The following MDGA2 variants were observed in gnomAD, a reference collection of about 807,000 sequenced individuals.
MDGA2 encodes MAM domain-containing glycosylphosphatidylinositol anchor protein 2.
A neutral mutation model predicts 117.8 loss-of-function variants in MDGA2; 40 were observed. The ratio of observed to expected loss-of-function variants is 0.34; its 90% CI spans 0.26 to 0.44. The LOEUF (loss-of-function observed/expected upper bound fraction) is 0.44. Among genes scored for constraint, MDGA2 ranks in the 20% least tolerant of loss-of-function variants. MDGA2 has a pLI of 1.00. For missense variants in MDGA2, 1,123 were observed against 1,250.6 expected (o/e 0.90, Z 1.54); for synonymous variants, 452 against 439.0 (o/e 1.03, Z -0.37).
chr14:47,364,252 C>T (rs1891184143), intron 1 of MDGA2, among the ~76,000 whole-genome samples: 1 of 151,834 alleles, frequency 6.6e-6, no homozygotes, highest in Non-Finnish European at 1.5e-5. Flanking sequence ...TTTGTTAATC[C>T]AGAATTATAT....
intron 2 of MDGA2, among the ~76,000 whole-genome samples, chr14:47,223,268 G>C (rs906466890): frequency 9.2e-5 from 14 of 152,104 alleles, no homozygotes; most frequent in Non-Finnish European, 1.6e-4. Flanking sequence ...CATATCAACA[G>C]TGAAAAGAAT....
intron 1 of MDGA2, among the ~76,000 whole-genome samples, chr14:47,423,758 G>A (rs192616755): frequency 1.3e-5 from 2 of 152,154 alleles, no homozygotes; most frequent in East Asian, 3.9e-4. Flanking sequence ...ATATGTCAGT[G>A]TTCTGAGAAC....
At chr14:47,263,290 A>C (rs182588407) in intron 2 of MDGA2, among the ~76,000 whole-genome samples, 1 of 152,082 alleles carries the variant, frequency 6.6e-6, no homozygotes, top group Non-Finnish European at 1.5e-5. Context: ...ATAAATTGTT[A>C]TTTTGTTTCC....
At chr14:47,162,669 C>A (rs746258558) in intron 3 of MDGA2, among the ~76,000 whole-genome samples, 4 of 152,000 alleles carry the variant, frequency 2.6e-5, no homozygotes, top group Non-Finnish European at 5.9e-5. Context: ...AATTATTTTT[C>A]TAAAATTTCC....
intron 3 of MDGA2, among the ~76,000 whole-genome samples, chr14:47,199,287 C>G (rs1045698646): frequency 6.6e-6 from 1 of 152,096 alleles, no homozygotes; most frequent in South Asian, 2.1e-4. Flanking sequence ...AACTTGATGT[C>G]TAGGTAACTT....
rs555109322 is a variant in MDGA2 at position 47,271,155 on chromosome 14, C to A, written c.420+30256G>T. Among the ~76,000 whole-genome samples the A allele has an allele frequency of 2.3e-4, 35 of 152,294 alleles. 1 individual carries two copies. The highest frequency in any genetic ancestry group is 2.1e-3 in the South Asian group (10 of 4,824). On this transcript the variant is annotated intron_variant, in intron 2 of 16. Transcript: ENST00000399232. ...AGACCTCCATATCTGCACCCCAAAC[C>A]TTTCCTGCCCCCAAAGTCTTAGCTC...
intron 16 of MDGA2, among the ~76,000 whole-genome samples, chr14:46,842,678 T>C (rs1880666130): frequency 6.6e-6 from 1 of 152,222 alleles, no homozygotes; most frequent in Non-Finnish European, 1.5e-5. Context: ...CCTCTTAGAA[T>C]GCATGCCTTA....
intron 1 of MDGA2, among the ~76,000 whole-genome samples, chr14:47,385,778 A>G (rs1891742604): frequency 6.6e-6 from 1 of 152,184 alleles, no homozygotes; most frequent in South Asian, 2.1e-4. Flanking sequence ...CCAAATGAAC[A>G]AATTATCTCT....
At chr14:47,078,683 T>A (rs11628210) in intron 6 of MDGA2, among the ~76,000 whole-genome samples, 26,340 of 152,176 alleles carry the variant, frequency 0.17, 2,559 homozygotes, top group East Asian at 0.31. Flanking sequence ...AATAAACTTT[T>A]GGAAAGAAAA....
intron 1 of MDGA2, among the ~76,000 whole-genome samples, chr14:47,599,549 C>T (rs531663552): frequency 2.2e-4 from 33 of 152,256 alleles, no homozygotes; most frequent in Admixed American, 3.9e-4. Flanking sequence ...CCATACCAAA[C>T]AATAGGCCTT....
chr14:47,121,734 GT>G (rs1422503941), intron 5 of MDGA2, among the ~76,000 whole-genome samples: 2 of 152,056 alleles, frequency 1.3e-5, no homozygotes, highest in Non-Finnish European at 2.9e-5. Context: ...AACTGGTACT[GT>G]AAATGCCTTA....
At chr14:47,588,245 T>TAG (rs1555334167) in intron 1 of MDGA2, among the ~76,000 whole-genome samples, 5 of 85,458 alleles carry the variant, frequency 5.9e-5, no homozygotes, top group East Asian at 2.8e-3. Flanking sequence ...TAGATATATA[T>TAG]ATATATATAT....
intron 1 of MDGA2, among the ~76,000 whole-genome samples, chr14:47,584,258 T>C (rs1157110605): frequency 6.6e-6 from 1 of 151,836 alleles, no homozygotes; most frequent in Non-Finnish European, 1.5e-5. Context: ...ATCAAATGTG[T>C]TCTCTTCTGG....
chr14:46,936,457 T>G (rs1235723339), intron 9 of MDGA2, among the ~76,000 whole-genome samples: 11 of 152,072 alleles, frequency 7.2e-5, no homozygotes, highest in Non-Finnish European at 1.6e-4. Context: ...TTGAATTGTA[T>G]AAGTAAAATA....
At chr14:47,356,866 T>C (rs565863697) in intron 1 of MDGA2, among the ~76,000 whole-genome samples, 4 of 152,294 alleles carry the variant, frequency 2.6e-5, no homozygotes, top group African/African-American at 4.8e-5. Flanking sequence ...GGGGACTCGA[T>C]AGACCCTAAC....
At chr14:47,397,882 GCATTTGCCTCAC>G (rs933903430) in intron 1 of MDGA2, among the ~76,000 whole-genome samples, 1 of 152,050 alleles carries the variant, frequency 6.6e-6, no homozygotes. Context: ...ATTATCAAGT[GCATTTGCCTCAC>G]CTTTTTAGAT....
chr14:47,070,298 T>C (rs1890234336), intron 6 of MDGA2, among the ~76,000 whole-genome samples: 1 of 152,194 alleles, frequency 6.6e-6, no homozygotes, highest in Non-Finnish European at 1.5e-5. Flanking sequence ...GTCCTCATTT[T>C]CATACAGCAT....
At chr14:47,440,645 C>T (rs1892989232) in intron 1 of MDGA2, among the ~76,000 whole-genome samples, 1 of 147,720 alleles carries the variant, frequency 6.8e-6, no homozygotes, top group South Asian at 2.2e-4. Context: ...AAATAAACCC[C>T]AGAGTCTAAC....
chr14:47,348,129 A>C (rs528538117), intron 1 of MDGA2, among the ~76,000 whole-genome samples: 1 of 141,828 alleles, frequency 7.1e-6, no homozygotes, highest in East Asian at 2.1e-4. Context: ...AAATAATTGT[A>C]TTGTGCTCTG....
Sources: gnomAD v4.1 joint callset for allele counts (sites outside exome capture counted in the v4.1 genomes callset) on GRCh38, gnomAD v4.1.1 for gene constraint, MANE v1.5 for transcripts, NCBI Gene and HGNC (gene_info 2026-07-23, HGNC 2026-07-21) for gene names.